HEXB: variants seen among roughly 807,000 people sequenced by gnomAD.
The protein encoded by HEXB is hexosaminidase subunit beta.
HEXB carries 51 observed loss-of-function variants against 71.2 expected under a neutral mutation model. The observed-to-expected ratio is 0.72, with a 90% CI of 0.57 to 0.90. HEXB has a LOEUF of 0.90. Among genes scored for constraint, HEXB ranks in the 40% least tolerant of loss-of-function variants. HEXB has a pLI of 0.00. For missense variants in HEXB, 617 were observed against 677.0 expected (o/e 0.91, Z 0.98); for synonymous variants, 266 against 249.3 (o/e 1.07, Z -0.63).
In HEXB at chr5:74,713,516, C is replaced by A. The variant is rs1359983158; in HGVS notation, c.782C>A (p.Ser261Tyr). ...ATATGGCTTTTACAGGGAAGCTATTCTTTGTCTCATGTTTATACACCAAAT... is the reference window on the plus strand; with the variant it reads ...ATATGGCTTTTACAGGGAAGCTATTATTTGTCTCATGTTTATACACCAAAT... ...FPELSNKGSY[S>Y]LSHVYTPNDV... is the part of the protein sequence containing the mutation. The change falls in exon 7 of 14, where the codon TCT (serine) becomes TAT (tyrosine). Residue 261 changes from serine (S) to tyrosine (Y), a missense_variant. By Grantham distance (144) the Ser-to-Tyr change is moderately radical. Coordinates refer to ENST00000261416, the MANE Select transcript of HEXB (RefSeq NM_000521.4). 1 of 1,611,400 alleles carries A rather than the reference C, an allele frequency of 6.2e-7. No individual in the cohort carries two copies. Among genetic ancestry groups the A allele is most frequent in the Non-Finnish European group, 8.5e-7 (1 of 1,177,578 alleles).
chr5:74,689,401 C>T lies in HEXB; in HGVS notation c.373C>T (p.Gln125Ter). Residue 125 changes from glutamine (Q) to a stop codon, truncating the protein, a stop_gained, in exon 2 of 14, where the codon CAG becomes TAG. Transcript: ENST00000261416. LOFTEE classifies it high-confidence loss of function. ...PAEFQAKTQVQQLLVSITLQS... is the reference protein window; with the variant it reads ...PAEFQAKTQV ...TGAATTCCAGGCTAAAACCCAGGTT[C>T]AGCAACTTCTTGTCTCAATCACCCT... The T allele has an allele frequency of 1.2e-6, 2 of 1,612,624 alleles. No individual in the cohort carries two copies. The highest frequency in any genetic ancestry group is 1.7e-6 in the Non-Finnish European group (2 of 1,178,568).
chr5:74,656,522 AAATAAAATAAAATAAAAT>A (rs1378712059), intron 1 of HEXB, among the ~76,000 whole-genome samples: 4,597 of 145,752 alleles, frequency 0.032, 297 homozygotes, highest in African/African-American at 0.12. Context: ...AAATAAAATA[AAATAAAATAAAATAAAAT>A]AAAAGTCAGG....
chr5:74,653,319 C>A (rs1748157571), intron 1 of HEXB, among the ~76,000 whole-genome samples: 1 of 152,198 alleles, frequency 6.6e-6, no homozygotes, highest in Admixed American at 6.5e-5. Context: ...TAATCCCACT[C>A]CTGGATCATT....
intron 7 of HEXB, among the ~76,000 whole-genome samples, chr5:74,714,651 C>A (rs1024255503): frequency 5.3e-5 from 8 of 152,184 alleles, no homozygotes; most frequent in Non-Finnish European, 7.4e-5. Flanking sequence ...GGGCAAGTTA[C>A]AATATCTCAT....
At chr5:74,708,726 C>G (rs1749466278) in intron 6 of HEXB, among the ~76,000 whole-genome samples, 1 of 151,554 alleles carries the variant, frequency 6.6e-6, no homozygotes, top group Non-Finnish European at 1.5e-5. Context: ...GGGATCAATT[C>G]AACAAGAAGA....
At chr5:74,673,718 C>CT (rs1019809674) in intron 1 of HEXB, among the ~76,000 whole-genome samples, 1 of 152,180 alleles carries the variant, frequency 6.6e-6, no homozygotes, top group African/African-American at 2.4e-5. Context: ...TGACGTATCC[C>CT]TTTGCTGTGT....
At chr5:74,703,067 C>T (rs2112152710) in intron 5 of HEXB, among the ~76,000 whole-genome samples, 1 of 152,322 alleles carries the variant, frequency 6.6e-6, no homozygotes, top group East Asian at 1.9e-4. Flanking sequence ...ATTCTCCTGC[C>T]TCAGCCTCCT....
At chr5:74,684,757 A>T (rs1443952810), upstream of HEXB, among the ~76,000 whole-genome samples, 1 of 146,188 alleles carries the variant, frequency 6.8e-6, no homozygotes, top group Non-Finnish European at 1.5e-5. Flanking sequence ...GGCTCACTGC[A>T]ACCTCCGCCT....
At chr5:74,693,297 CTT>C (rs1198839546) in intron 2 of HEXB, among the ~76,000 whole-genome samples, 1 of 152,190 alleles carries the variant, frequency 6.6e-6, no homozygotes, top group African/African-American at 2.4e-5. Context: ...GAGACTAACT[CTT>C]TTAGGAAAAT....
At chr5:74,651,646 A>C (rs1748112716) in intron 1 of HEXB, among the ~76,000 whole-genome samples, 2 of 152,232 alleles carry the variant, frequency 1.3e-5, no homozygotes, top group Admixed American at 1.3e-4. Flanking sequence ...CCAAGCAAGG[A>C]CGATCATTGA....
At chr5:74,675,728 G>C (rs1205923696) in intron 1 of HEXB, among the ~76,000 whole-genome samples, 1 of 152,204 alleles carries the variant, frequency 6.6e-6, no homozygotes, top group Non-Finnish European at 1.5e-5. Flanking sequence ...TTTTAAGCAA[G>C]GAAGTGATAT....
chr5:74,701,673 GTGCAAAGAACTCCTATA>G (rs1749263628), intron 5 of HEXB, among the ~76,000 whole-genome samples: 1 of 151,932 alleles, frequency 6.6e-6, no homozygotes, highest in Non-Finnish European at 1.5e-5. Flanking sequence ...TGTAAATAGT[GTGCAAAGAACTCCTATA>G]TACTCTTTAC....
intron 1 of HEXB, among the ~76,000 whole-genome samples, chr5:74,688,589 C>T (rs113242388): frequency 0.04 from 6,136 of 152,216 alleles, 164 homozygotes; most frequent in Middle Eastern, 0.078. Context: ...GTGATCCTCC[C>T]GCCTTGGCCT....
rs2112156485 is a variant in HEXB at position 74,705,315 on chromosome 5, A to C, written c.766A>C (p.Asn256His). The C allele has an allele frequency of 6.5e-7, 1 of 1,534,170 alleles. No individual in the cohort carries two copies. The highest frequency in any genetic ancestry group is 1.1e-5 in the South Asian group (1 of 89,476). Residue 256 changes from asparagine (N) to histidine (H), a missense_variant, in exon 6 of 14, where the codon AAT (asparagine) becomes CAT (histidine). Transcript: ENST00000261416. ...GAGCATCACTTTTCCTGAGTTAAGCAATAAAGTGAGTAAATTGTATTGTAC... is the reference window on the plus strand; with the variant it reads ...GAGCATCACTTTTCCTGAGTTAAGCCATAAAGTGAGTAAATTGTATTGTAC... Reference protein sequence around the residue: ...YQSITFPELSNKGSYSLSHVY... With the variant: ...YQSITFPELSHKGSYSLSHVY...
chr5:74,708,897 A>C (rs1749470869), intron 6 of HEXB, among the ~76,000 whole-genome samples: 1 of 152,190 alleles, frequency 6.6e-6, no homozygotes, highest in South Asian at 2.1e-4. Context: ...ACAGAAAGTC[A>C]ACAAGGATAC....
At chr5:74,651,035 G>A (rs563843580) in intron 1 of HEXB, among the ~76,000 whole-genome samples, 86 of 152,136 alleles carry the variant, frequency 5.7e-4, no homozygotes, top group Middle Eastern at 3.5e-3. Context: ...GATGATTTGG[G>A]ATAATTTTCA....
chr5:74,674,965 T>C (rs1382318155), intron 1 of HEXB, among the ~76,000 whole-genome samples: 3 of 152,290 alleles, frequency 2.0e-5, no homozygotes, highest in Non-Finnish European at 2.9e-5. Flanking sequence ...TGTGAGGATA[T>C]TATCTAAATA....
At chr5:74,720,993 G>GTAATGCTGTGA in intron 13 of HEXB, 125 bp from the exon 14 acceptor site, 1 of 907,114 alleles carries the variant, frequency 1.1e-6, no homozygotes, top group Non-Finnish European at 1.8e-6. Context: ...CTTATTTTCA[G>GTAATGCTGTGA]TAATGCTGTG....
At position 74,685,288 on chromosome 5, in the gene HEXB, C is replaced by T. The variant is rs955522944; in HGVS notation, c.28C>T (p.Arg10Trp). The T allele has an allele frequency of 5.8e-6, 9 of 1,549,764 alleles. No individual in the cohort carries two copies. Among genetic ancestry groups the T allele is most frequent in the Middle Eastern group, 2.1e-4 (1 of 4,872 alleles). Reference sequence around the variant, plus strand: ...GGAGCTGTGCGGGCTGGGGCTGCCCCGGCCGCCCATGCTGCTGGCGCTGCT... The same window carrying T: ...GGAGCTGTGCGGGCTGGGGCTGCCCTGGCCGCCCATGCTGCTGGCGCTGCT... The part of the protein sequence containing the change: MELCGLGLP[R>W]PPMLLALLLA... Residue 10 changes from arginine to tryptophan, a missense_variant, in exon 1 of 14, where the codon CGG becomes TGG. Physicochemically the swap from Arg to Trp is moderately radical, Grantham distance 101. Coordinates refer to ENST00000261416, the MANE Select transcript of HEXB (RefSeq NM_000521.4).
Sources: allele counts gnomAD v4.1 joint callset (sites outside exome capture counted in the v4.1 genomes callset), GRCh38; gene constraint gnomAD v4.1.1; transcripts MANE v1.5; gene names NCBI Gene and HGNC (gene_info 2026-07-23, HGNC 2026-07-21).